The following LYPLAL1 variants were observed in gnomAD, a reference collection of about 807,000 sequenced individuals.
The protein encoded by LYPLAL1 is lysophospholipase like 1.
A neutral mutation model predicts 19.7 loss-of-function variants in LYPLAL1; 23 were observed. The observed-to-expected ratio is 1.17, with a 90% CI of 0.84 to 1.65. The LOEUF (loss-of-function observed/expected upper bound fraction) is 1.65, where lower values mean the gene tolerates loss of function less well. LYPLAL1 is among the 40% of genes most tolerant of loss of function. LYPLAL1 has a pLI of 0.00. For synonymous variants in LYPLAL1, 119 were observed against 96.3 expected (o/e 1.24, Z -1.38); for missense variants, 355 against 279.4 (o/e 1.27, Z -1.93).
At chr1:219,431,950 TA>T in the LYPLAL1 span, among the ~76,000 whole-genome samples, 363 of 152,334 alleles carry the variant, frequency 2.4e-3, 1 homozygote, top group African/African-American at 8.3e-3. Context: ...GATTGAGGAT[TA>T]AATGGCATAA....
At chr1:219,260,556 C>A in the LYPLAL1 span, among the ~76,000 whole-genome samples, 1 of 149,680 alleles carries the variant, frequency 6.7e-6, no homozygotes, top group Non-Finnish European at 1.5e-5. Flanking sequence ...TTAGTAGGCT[C>A]CAAAAAATAT....
chr1:219,379,333 ACTC>A, the LYPLAL1 span, among the ~76,000 whole-genome samples: 16 of 152,270 alleles, frequency 1.1e-4, no homozygotes, highest in African/African-American at 3.9e-4. Context: ...TGGAAGCAGA[ACTC>A]CTGGAACAGC....
chr1:219,291,816 A>T, the LYPLAL1 span, among the ~76,000 whole-genome samples: 1 of 151,558 alleles, frequency 6.6e-6, no homozygotes, highest in African/African-American at 2.4e-5. Flanking sequence ...CTTCTTTATT[A>T]TGTTACAAAA....
the LYPLAL1 span, among the ~76,000 whole-genome samples, chr1:219,363,075 G>A: frequency 1.3e-5 from 2 of 152,032 alleles, no homozygotes; most frequent in African/African-American, 2.4e-5. Flanking sequence ...AAAAATCAAA[G>A]GCTACACAAA....
chr1:219,316,298 A>AT, the LYPLAL1 span, among the ~76,000 whole-genome samples: 28 of 152,112 alleles, frequency 1.8e-4, no homozygotes, highest in African/African-American at 4.6e-4. Context: ...AATAAGTCTC[A>AT]TTTTGTCATA....
the LYPLAL1 span, among the ~76,000 whole-genome samples, chr1:219,265,159 G>A: frequency 2.0e-5 from 3 of 152,204 alleles, no homozygotes; most frequent in Admixed American, 6.5e-5. Flanking sequence ...CAGCATGGGT[G>A]TGGTCCTGGG....
At chr1:219,218,259 A>G in the LYPLAL1 span, among the ~76,000 whole-genome samples, 1 of 152,142 alleles carries the variant, frequency 6.6e-6, no homozygotes, top group Admixed American at 6.6e-5. Flanking sequence ...AAATGTCCAG[A>G]TTATTATTAC....
At chr1:219,315,490 G>A in the LYPLAL1 span, among the ~76,000 whole-genome samples, 4 of 152,166 alleles carry the variant, frequency 2.6e-5, no homozygotes, top group Non-Finnish European at 5.9e-5. Flanking sequence ...AAATTTTGAT[G>A]AGGTAAGTGT....
the LYPLAL1 span, among the ~76,000 whole-genome samples, chr1:219,322,428 A>C: frequency 6.6e-6 from 1 of 152,202 alleles, no homozygotes; most frequent in African/African-American, 2.4e-5. Flanking sequence ...CGAACAATTT[A>C]GTGAAGCATT....
At chr1:219,427,698 T>C in the LYPLAL1 span, among the ~76,000 whole-genome samples, 1 of 152,184 alleles carries the variant, frequency 6.6e-6, no homozygotes, top group Non-Finnish European at 1.5e-5. Flanking sequence ...GTTTCTCCTC[T>C]GAGATGAGAA....
At chr1:219,423,473 A>G in the LYPLAL1 span, among the ~76,000 whole-genome samples, 4 of 152,198 alleles carry the variant, frequency 2.6e-5, no homozygotes, top group Non-Finnish European at 5.9e-5. Context: ...AATACCAAGT[A>G]CATAAATGAA....
chr1:219,317,700 G>T, the LYPLAL1 span, among the ~76,000 whole-genome samples: 1 of 152,108 alleles, frequency 6.6e-6, no homozygotes, highest in Non-Finnish European at 1.5e-5. Context: ...AAAAACAGAT[G>T]AGGAATTTCA....
the LYPLAL1 span, among the ~76,000 whole-genome samples, chr1:219,229,677 A>T: frequency 7.5e-3 from 1,148 of 152,312 alleles, 4 homozygotes; most frequent in South Asian, 0.023. Context: ...AGCTGTAAGT[A>T]TTCACCGCTA....
chr1:219,427,003 T>G, the LYPLAL1 span, among the ~76,000 whole-genome samples: 10 of 152,384 alleles, frequency 6.6e-5, no homozygotes, highest in Non-Finnish European at 1.2e-4. Context: ...ATCAGATCAC[T>G]TCATTCTACT....
the LYPLAL1 span, among the ~76,000 whole-genome samples, chr1:219,307,599 A>T: frequency 6.6e-6 from 1 of 152,240 alleles, no homozygotes; most frequent in Non-Finnish European, 1.5e-5. Context: ...ATACATGTCA[A>T]TAACATCTGA....
the LYPLAL1 span, among the ~76,000 whole-genome samples, chr1:219,286,482 A>C: frequency 6.6e-6 from 1 of 152,298 alleles, no homozygotes; most frequent in East Asian, 1.9e-4. Flanking sequence ...GTCACTAAGA[A>C]AAAAAATAAA....
chr1:219,244,862 G>A, the LYPLAL1 span, among the ~76,000 whole-genome samples: 7 of 142,768 alleles, frequency 4.9e-5, no homozygotes, highest in African/African-American at 1.8e-4. Context: ...CAGGAGAATC[G>A]CTTGAACTCA....
chr1:219,362,819 G>A, the LYPLAL1 span, among the ~76,000 whole-genome samples: 1 of 151,848 alleles, frequency 6.6e-6, no homozygotes, highest in Non-Finnish European at 1.5e-5. Context: ...TTTATTTTAG[G>A]GAGATCAACC....
chr1:219,333,156 A>T, the LYPLAL1 span, among the ~76,000 whole-genome samples: 1 of 152,152 alleles, frequency 6.6e-6, no homozygotes, highest in East Asian at 1.9e-4. Flanking sequence ...GACCCTTCGT[A>T]TAATCCAAAA....
Sources: allele counts gnomAD v4.1 joint callset (sites outside exome capture counted in the v4.1 genomes callset), GRCh38; gene constraint gnomAD v4.1.1; transcripts MANE v1.5; gene names NCBI Gene and HGNC (gene_info 2026-07-23, HGNC 2026-07-21).